HEXD: variants seen among roughly 807,000 people sequenced by gnomAD.
HEXD encodes the protein N-acetyl-beta-galactosaminidase.
In HEXD, 47 loss-of-function variants were observed where a neutral mutation model predicts 54.2. The ratio of observed to expected loss-of-function variants is 0.87; its 90% CI spans 0.69 to 1.11. The LOEUF (loss-of-function observed/expected upper bound fraction) is 1.11. Among genes scored for constraint, HEXD ranks in the 50% least tolerant of loss-of-function variants. The probability of loss-of-function intolerance (pLI) is 0.00; values close to 1 mark genes in which losing one functional copy is unlikely to be tolerated. For missense variants in HEXD, 576 were observed against 649.2 expected, an observed-to-expected ratio of 0.89 and a Z score of 1.23; for synonymous variants, 293 against 287.6, an observed-to-expected ratio of 1.02 and a Z score of -0.19.
At position 82,441,189 on chromosome 17, in the gene HEXD, C is replaced by A. The variant is rs2053938511; in HGVS notation, c.1086C>A (p.Gly362=). ...PVREGAGSFP[G]SNILALVTQV... is the part of the protein sequence containing the mutation. ...GGGAGGGGGCCGGCTCCTTCCCTGG[C>A]AGCAACATCCTTGCCCTTGTCACAC... is the stretch of plus-strand genomic sequence containing the variant. Residue 362 remains glycine (G), a synonymous_variant, in exon 11 of 13, where the codon GGC becomes GGA. Coordinates refer to ENST00000327949, the MANE Select transcript of HEXD (RefSeq NM_001330542.2). 6.2e-7 allele frequency: 1 copy of A among 1,613,192 alleles called. No individual in the cohort carries two copies. Among genetic ancestry groups the A allele is most frequent in the East Asian group, 2.2e-5 (1 of 44,884 alleles).
At chr17:82,435,616 C>A (rs568377118) in intron 5 of HEXD, 73 bp from the exon 6 acceptor site, 1 of 1,478,980 alleles carries the variant, frequency 6.8e-7, no homozygotes, top group Admixed American at 1.9e-5. Flanking sequence ...CGTCAGGGCA[C>A]GGCGTGAACC....
intron 4 of HEXD, among the ~76,000 whole-genome samples, chr17:82,428,936 G>A (rs185771125): frequency 6.6e-6 from 1 of 152,232 alleles, no homozygotes; most frequent in East Asian, 1.9e-4. Flanking sequence ...TATTATGTGA[G>A]GTAAAACACA....
At chr17:82,432,036 A>G (rs1192235799) in intron 4 of HEXD, among the ~76,000 whole-genome samples, 2 of 151,974 alleles carry the variant, frequency 1.3e-5, no homozygotes, top group Non-Finnish European at 2.9e-5. Flanking sequence ...TTATTTTTAC[A>G]TTTTAGCCTG....
rs749935068 is a variant in HEXD at position 82,442,381 on chromosome 17, C to T, written c.1458C>T (p.Pro486=). The T allele has an allele frequency of 1.2e-6, 2 of 1,610,176 alleles. No individual in the cohort carries two copies. The highest frequency in any genetic ancestry group is 2.2e-5 in the South Asian group (2 of 91,036). The change falls in exon 13 of 13, where the codon CCC becomes CCT. Residue 486 remains proline (P), a synonymous_variant. Coordinates refer to ENST00000327949, the MANE Select transcript of HEXD (RefSeq NM_001330542.2). The surrounding 1 kb of genome is among the most constrained non-coding windows in gnomAD (Gnocchi z 6.8). ...TSPGRDVAQD[P] ...CTGGCAGGGACGTTGCTCAGGACCC[C>T]TGAGGGGAGAGCTCATGCCAGGGGG...
intron 3 of HEXD, among the ~76,000 whole-genome samples, chr17:82,427,619 C>T (rs188967170): frequency 8.9e-4 from 135 of 152,228 alleles, no homozygotes; most frequent in Non-Finnish European, 1.4e-3. Flanking sequence ...TAGTTTTCTT[C>T]CTACAGTGAA....
intron 12 of HEXD, 31 bp downstream of exon 12, chr17:82,441,920 G>C: frequency 6.3e-7 from 1 of 1,597,952 alleles, no homozygotes; most frequent in African/African-American, 1.3e-5. Flanking sequence ...AGGCCGTGCA[G>C]CCATGGGTTC....
At chr17:82,432,930 G>T (rs187089657) in intron 4 of HEXD, among the ~76,000 whole-genome samples, 93 of 147,800 alleles carry the variant, frequency 6.3e-4, no homozygotes, top group Non-Finnish European at 1.2e-3. Context: ...GCCGGGCGTG[G>T]TGGCGGGCGC....
Position 82,419,731 on chromosome 17 carries a change from C to CT in HEXD, c.-51-16dup, listed in dbSNP as rs1288904486. On this transcript the variant is annotated splice_polypyrimidine_tract_variant and intron_variant, in intron 1 of 12. Transcript: ENST00000327949. Reference sequence around the variant, plus strand: ...GAAGCTTCTGCCCCTGTTGATAACTCTTGATTTTCTCCACTAGGAAGAAGT... The same window carrying CT: ...GAAGCTTCTGCCCCTGTTGATAACTCTTTGATTTTCTCCACTAGGAAGAAGT... 4.1e-6 allele frequency: 4 copies of CT among 985,256 alleles called. No individual in the cohort carries two copies. The highest frequency in any genetic ancestry group is 6.4e-6 in the Non-Finnish European group (4 of 625,830). 61.0% of individuals were successfully genotyped at this position (985,256 alleles called of 1,614,324 possible). A position where few individuals can be genotyped will look rare whatever the true frequency, so the allele number is the denominator to read the frequency against.
Position 82,434,399 on chromosome 17 carries a change from C to T in HEXD, c.447+577C>T, listed in dbSNP as rs184909369. Among the ~76,000 whole-genome samples the T allele has an allele frequency of 4.0e-5, 6 of 151,154 alleles. No homozygotes were observed. Among genetic ancestry groups the T allele is most frequent in the Admixed American group, 1.3e-4 (2 of 15,238 alleles). On this transcript the variant is annotated intron_variant, in intron 5 of 12. Transcript: ENST00000327949. This position sits in a 1 kb window ranked among gnomAD's most constrained non-coding sequence, Gnocchi z 4.5. ...GGGCAGGATGTGGAACTGAAAGGGG[C>T]GGGGTTGGTGCCCACGGGGCTGGGA... is the stretch of plus-strand genomic sequence containing the variant.
chr17:82,419,877 C>T lies in HEXD; in HGVS notation c.78C>T (p.Leu26=). ...GAGCTCCACCAAAGGTCTCGTACCTCTCAGAGGTAAGGACTCCCTTTTACC... is the reference window on the plus strand; with the variant it reads ...GAGCTCCACCAAAGGTCTCGTACCTTTCAGAGGTAAGGACTCCCTTTTACC... ...LKGAPPKVSY[L]SEIFPLFRAL... is the part of the protein sequence containing the mutation. Residue 26 remains leucine, a synonymous_variant, in exon 2 of 13, where the codon CTC becomes CTT. Coordinates refer to ENST00000327949, the MANE Select transcript of HEXD (RefSeq NM_001330542.2). 12 of 1,603,986 alleles carry T rather than the reference C, an allele frequency of 7.5e-6. No individual in the cohort carries two copies. The highest frequency in any genetic ancestry group is 1.0e-5 in the Non-Finnish European group (12 of 1,171,276).
At chr17:82,419,947 G>T in intron 2 of HEXD, 64 bp downstream of exon 2, 2 of 1,109,490 alleles carry the variant, frequency 1.8e-6, no homozygotes, top group South Asian at 2.7e-5. Context: ...TTAAAGTTTT[G>T]AGCAGTGTTC....
At chr17:82,438,773 G>A (rs1028507886) in intron 8 of HEXD, among the ~76,000 whole-genome samples, 3 of 152,246 alleles carry the variant, frequency 2.0e-5, no homozygotes, top group Admixed American at 6.5e-5. Flanking sequence ...CCTGCTAGAG[G>A]GGCAGCTCAC....
intron 4 of HEXD, among the ~76,000 whole-genome samples, chr17:82,431,534 C>T (rs763742867): frequency 6.6e-6 from 1 of 151,732 alleles, no homozygotes; most frequent in South Asian, 2.1e-4. Flanking sequence ...GTAGCTTCAG[C>T]CTCCCGAGTA....
intron 2 of HEXD, among the ~76,000 whole-genome samples, chr17:82,422,211 C>G (rs1207067757): frequency 6.6e-6 from 1 of 151,112 alleles, no homozygotes; most frequent in Non-Finnish European, 1.5e-5. Context: ...AATAGCATTG[C>G]AGCAGTGAAG....
rs572586197 is a variant in HEXD, at chr17:82,429,080, C to T, written c.282+435C>T. Among the ~76,000 whole-genome samples the T allele has an allele frequency of 7.2e-5, 11 of 151,910 alleles. No individual in the cohort carries two copies. The South Asian group carries it at 8.3e-4, about 11-fold the overall frequency. On this transcript the variant is annotated intron_variant, in intron 4 of 12. Transcript: ENST00000327949. Reference sequence around the variant, plus strand: ...TTCGAGACCAGCCTGACCAACATGGCGAAACCCCGTCTCTACTAAAAATAC... The same window carrying T: ...TTCGAGACCAGCCTGACCAACATGGTGAAACCCCGTCTCTACTAAAAATAC...
rs552214058 is a variant in HEXD at position 82,434,265 on chromosome 17, A to G, written c.447+443A>G. Among the ~76,000 whole-genome samples, 13 of 152,280 alleles carry G rather than the reference A, an allele frequency of 8.5e-5. No individual in the cohort carries two copies. The highest frequency in any genetic ancestry group is 2.6e-4 in the Admixed American group (4 of 15,304). ...CTGCATTTGGACCCTGAAGCACCCA[A>G]TGGAAAAGGTGGTCCCCAGGGGGTG... On this transcript the variant is annotated intron_variant, in intron 5 of 12. Coordinates refer to ENST00000327949, the MANE Select transcript of HEXD (RefSeq NM_001330542.2). This position sits in a 1 kb window ranked among gnomAD's most constrained non-coding sequence, Gnocchi z 4.5.
Position 82,442,353 on chromosome 17 carries a change from G to C in HEXD, c.1430G>C (p.Ser477Thr), listed in dbSNP as rs760765724. The change falls in exon 13 of 13, where the codon AGC (serine) becomes ACC (threonine). Residue 477 changes from serine to threonine, a missense_variant. Physicochemically the swap from Ser to Thr is moderately conservative, Grantham distance 58. Coordinates refer to ENST00000327949, the MANE Select transcript of HEXD (RefSeq NM_001330542.2). The surrounding 1 kb of genome is among the most constrained non-coding windows in gnomAD (Gnocchi z 6.8). ...EVSAPPLPPTSPGRDVAQDP is the reference protein window; with the variant it reads ...EVSAPPLPPTTPGRDVAQDP ...TCTGCCCCCCCGCTGCCACCCACCA[G>C]CCCTGGCAGGGACGTTGCTCAGGAC... 1 of 1,611,064 alleles carries C rather than the reference G, an allele frequency of 6.2e-7. No homozygotes were observed. The highest frequency in any genetic ancestry group is 8.5e-7 in the Non-Finnish European group (1 of 1,179,120).
In HEXD at chr17:82,428,541, G is replaced by A; in HGVS notation, c.195-17G>A. The A allele has an allele frequency of 6.2e-7, 1 of 1,611,092 alleles. No homozygotes were observed. Among genetic ancestry groups the A allele is most frequent in the Non-Finnish European group, 8.5e-7 (1 of 1,177,438 alleles). On this transcript the variant is annotated splice_polypyrimidine_tract_variant and intron_variant, in intron 3 of 12. Transcript: ENST00000327949. ...GCTGCTCACATGACCCTCTCTCTAT[G>A]AATTTTGTCTCTCCAGCCCCTCTGA...
At chr17:82,441,719 A>G in intron 11 of HEXD, 81 bp from the exon 12 acceptor site, 1 of 1,053,634 alleles carries the variant, frequency 9.5e-7, no homozygotes, top group Non-Finnish European at 1.5e-6. Context: ...CCCCATTCTT[A>G]AACATTTTCT....
Sources: allele counts gnomAD v4.1 joint callset (sites outside exome capture counted in the v4.1 genomes callset), GRCh38; gene constraint gnomAD v4.1.1; non-coding constraint Gnocchi (gnomAD v3.1); transcripts MANE v1.5; gene names NCBI Gene and HGNC (gene_info 2026-07-23, HGNC 2026-07-21).